The following SCN2A variants were observed in gnomAD, a reference collection of about 807,000 sequenced individuals.
The protein encoded by SCN2A is sodium channel protein type 2 subunit alpha.
Under a neutral mutation model 188.7 loss-of-function variants are expected in SCN2A, and 20 were observed. The observed-to-expected ratio is 0.11, with a 90% CI of 0.07 to 0.15. The LOEUF is 0.15. Ranked by LOEUF, SCN2A falls within the 10% of genes least tolerant of loss-of-function variation. The pLI, the probability that SCN2A is intolerant of heterozygous loss-of-function variation, is 1.00. For synonymous variants in SCN2A, 804 were observed against 833.1 expected, an observed-to-expected ratio of 0.97 and a Z score of 0.60; for missense variants, 1,278 against 2,445.0, an observed-to-expected ratio of 0.52 and a Z score of 10.07.
At chr2:165,342,527 C>T in intron 15 of SCN2A, 58 bp downstream of exon 15, 1 of 1,561,890 alleles carries the variant, frequency 6.4e-7, no homozygotes, top group Non-Finnish European at 8.8e-7. Context: ...TCTTCATTCT[C>T]ATCTAGTAAA....
At chr2:165,355,078 T>C (rs1411117799) in intron 17 of SCN2A, among the ~76,000 whole-genome samples, 1 of 152,226 alleles carries the variant, frequency 6.6e-6, no homozygotes, top group African/African-American at 2.4e-5. Flanking sequence ...ATGTTCTTAG[T>C]TCTTAATTCT....
At chr2:165,339,049 G>A (rs185572303) in intron 14 of SCN2A, among the ~76,000 whole-genome samples, 10 of 152,122 alleles carry the variant, frequency 6.6e-5, no homozygotes, top group South Asian at 2.1e-4. Flanking sequence ...GTGAAACCCC[G>A]TCTGTACTAA....
chr2:165,365,003 G>T, intron 17 of SCN2A, 140 bp from the exon 18 acceptor site: 3 of 777,784 alleles, frequency 3.9e-6, no homozygotes, highest in South Asian at 1.6e-5. Flanking sequence ...TACCAAAGCG[G>T]ATTGGCATTA....
In SCN2A at chr2:165,344,468, T is replaced by A. The variant is rs1699466606; in HGVS notation, c.2563-87T>A. On this transcript the variant is annotated intron_variant, in intron 15 of 26. Transcript: ENST00000375437. Reference sequence around the variant, plus strand: ...TAATAATAATAAAATAAAATAAAAATAAAAAATAAAAAAATAAAAATAAAA... The same window carrying A: ...TAATAATAATAAAATAAAATAAAAAAAAAAAATAAAAAAATAAAAATAAAA... The A allele has an allele frequency of 4.8e-6, 4 of 841,344 alleles. No individual in the cohort carries two copies. In the East Asian group the frequency reaches 1.4e-4, roughly 30 times the overall value. 52.1% of individuals were successfully genotyped at this position (841,344 alleles called of 1,614,324 possible).
intron 16 of SCN2A, among the ~76,000 whole-genome samples, chr2:165,347,696 CAT>C (rs1342145979): frequency 6.6e-6 from 1 of 152,114 alleles, no homozygotes; most frequent in Non-Finnish European, 1.5e-5. Context: ...AGTGATATAA[CAT>C]GTACTCAAAT....
intron 16 of SCN2A, among the ~76,000 whole-genome samples, chr2:165,350,589 CA>C: frequency 6.8e-6 from 1 of 147,376 alleles, no homozygotes. Context: ...TCTCCTGCCT[CA>C]GCCTCCCAAG....
At chr2:165,365,032 A>G in intron 17 of SCN2A, 111 bp from the exon 18 acceptor site, 1 of 1,043,588 alleles carries the variant, frequency 9.6e-7, no homozygotes, top group Non-Finnish European at 1.4e-6. Flanking sequence ...TTCTTAAATT[A>G]CAGATCAAGA....
intron 19 of SCN2A, among the ~76,000 whole-genome samples, chr2:165,369,665 C>CCA (rs373614955): frequency 1.3e-5 from 2 of 151,890 alleles, no homozygotes; most frequent in African/African-American, 2.4e-5. Flanking sequence ...CCACCCGCCT[C>CCA]CACACACACA....
rs1327484226 is a variant in SCN2A, at chr2:165,296,063, T to C, written c.240T>C (p.Asp80=). 3.7e-6 allele frequency: 6 copies of C among 1,613,612 alleles called. No individual in the cohort carries two copies. Among genetic ancestry groups the C allele is most frequent in the Non-Finnish European group, 5.1e-6 (6 of 1,180,000 alleles). The part of the protein sequence containing the change: ...PPEMVSVPLE[D]LDPYYINKKT... ...AGATGGTGTCAGTGCCCCTGGAGGATCTGGACCCCTACTATATCAATAAGA... is the reference window on the plus strand; with the variant it reads ...AGATGGTGTCAGTGCCCCTGGAGGACCTGGACCCCTACTATATCAATAAGA... The change falls in exon 2 of 27, where the codon GAT becomes GAC. Residue 80 remains aspartate, a synonymous_variant. Transcript: ENST00000375437.
chr2:165,375,041 T>G, intron 22 of SCN2A, 75 bp downstream of exon 22: 1 of 1,272,742 alleles, frequency 7.9e-7, no homozygotes, highest in South Asian at 1.3e-5. Context: ...CATAATGAGA[T>G]ATCCACCTGT....
At chr2:165,263,461 C>T (rs1694697309) in intron 1 of SCN2A, among the ~76,000 whole-genome samples, 2 of 152,116 alleles carry the variant, frequency 1.3e-5, no homozygotes, top group Non-Finnish European at 2.9e-5. Flanking sequence ...TGCCAATTAT[C>T]CCAGCACCAT....
At chr2:165,359,650 G>A (rs1368277135) in intron 17 of SCN2A, among the ~76,000 whole-genome samples, 1 of 152,068 alleles carries the variant, frequency 6.6e-6, no homozygotes, top group Non-Finnish European at 1.5e-5. Context: ...GAAGGTTTGC[G>A]TAAGCAATGG....
chr2:165,294,571 A>T (rs1275603629), intron 1 of SCN2A, among the ~76,000 whole-genome samples: 2 of 150,136 alleles, frequency 1.3e-5, no homozygotes, highest in Non-Finnish European at 3.0e-5. Flanking sequence ...ACTCTTAGAA[A>T]ATGCATTTCA....
chr2:165,333,035 A>T (rs1166082649), intron 14 of SCN2A, among the ~76,000 whole-genome samples: 3 of 152,038 alleles, frequency 2.0e-5, no homozygotes, highest in Non-Finnish European at 4.4e-5. Flanking sequence ...AGCTTTAATT[A>T]AGGCCCACAA....
chr2:165,293,203 G>A (rs1463391289), intron 1 of SCN2A, among the ~76,000 whole-genome samples: 2 of 152,086 alleles, frequency 1.3e-5, no homozygotes, highest in Non-Finnish European at 2.9e-5. Context: ...GCCTACATAC[G>A]GTAATTGCTG....
At chr2:165,307,237 T>A (rs1191711715) in intron 3 of SCN2A, among the ~76,000 whole-genome samples, 1 of 152,158 alleles carries the variant, frequency 6.6e-6, no homozygotes, top group Non-Finnish European at 1.5e-5. Flanking sequence ...ACATGATTAC[T>A]TTTTCTTACT....
At chr2:165,259,931 A>ATTTTTTTTTTT (rs140137535) in intron 1 of SCN2A, among the ~76,000 whole-genome samples, 1 of 89,494 alleles carries the variant, frequency 1.1e-5, no homozygotes, top group African/African-American at 4.6e-5. Flanking sequence ...CTAAAAATGG[A>ATTTTTTTTTTT]TTTTTTTTTT....
Position 165,278,950 on chromosome 2 carries a change from AAAAG to A in SCN2A, c.-51-16816_-51-16813del, listed in dbSNP as rs1695467408. 2.0e-5 allele frequency among the ~76,000 whole-genome samples: 3 copies of A among 152,116 alleles called. No homozygotes were observed. The South Asian group carries it at 6.2e-4, about 32-fold the overall frequency. On this transcript the variant is annotated intron_variant, in intron 1 of 26. Transcript: ENST00000375437. The stretch of plus-strand genomic sequence containing the variant: ...GTGAAAAAGAGAGAACGAGAAAAGA[AAAAG>A]AAAGAAGTCAAGAAAGAAAGGCAGG...
At chr2:165,362,118 G>A (rs1046107427) in intron 17 of SCN2A, among the ~76,000 whole-genome samples, 1 of 151,926 alleles carries the variant, frequency 6.6e-6, no homozygotes, top group East Asian at 1.9e-4. Context: ...AGAGATACAA[G>A]GGTGACGAAA....
Sources: allele counts gnomAD v4.1 joint callset (sites outside exome capture counted in the v4.1 genomes callset), GRCh38; gene constraint gnomAD v4.1.1; transcripts MANE v1.5; gene names NCBI Gene and HGNC (gene_info 2026-07-23, HGNC 2026-07-21).